The following TLE4 variants were observed in gnomAD, a reference collection of about 807,000 sequenced individuals.
TLE4 encodes the protein transducin-like enhancer protein 4.
TLE4 carries 8 observed loss-of-function variants against 92.8 expected under a neutral mutation model. The ratio of observed to expected loss-of-function variants is 0.09; its 90% CI spans 0.05 to 0.16. The LOEUF (loss-of-function observed/expected upper bound fraction) is 0.16. Among genes scored for constraint, TLE4 ranks in the 10% least tolerant of loss-of-function variants. The pLI, the probability that TLE4 is intolerant of heterozygous loss-of-function variation, is 1.00. For missense variants in TLE4, 675 were observed against 997.6 expected, an observed-to-expected ratio of 0.68 and a Z score of 4.36; for synonymous variants, 371 against 374.1, an observed-to-expected ratio of 0.99 and a Z score of 0.10.
chr9:79,618,753 G>A (rs2050247083), intron 5 of TLE4, among the ~76,000 whole-genome samples: 1 of 152,168 alleles, frequency 6.6e-6, no homozygotes, highest in African/African-American at 2.4e-5. Context: ...CAGCAATGAT[G>A]AGGAGCACAC....
chr9:79,681,745 G>A (rs73652231), intron 8 of TLE4, among the ~76,000 whole-genome samples: 186 of 151,776 alleles, frequency 1.2e-3, no homozygotes, highest in African/African-American at 4.4e-3. Flanking sequence ...GAGGCAGGGA[G>A]GGAAGGAGGG....
intron 8 of TLE4, among the ~76,000 whole-genome samples, chr9:79,655,043 G>A (rs2059581077): frequency 1.3e-5 from 2 of 152,310 alleles, no homozygotes; most frequent in South Asian, 2.1e-4. Context: ...TCAGGAGTCT[G>A]AGGCAGGAGA....
In TLE4 at chr9:79,677,759, T is replaced by C. The variant is rs538118968; in HGVS notation, c.609+23684T>C. ...TGTGGCATCTTCACAACTATCCTGT[T>C]TGTGAATTTTGTAGGCTTGTCATTG... On this transcript the variant is annotated intron_variant, in intron 8 of 19. Coordinates refer to ENST00000376552, the MANE Select transcript of TLE4 (RefSeq NM_007005.6). Among the ~76,000 whole-genome samples the C allele has an allele frequency of 5.3e-5, 8 of 152,214 alleles. No homozygotes were observed. The South Asian group carries it at 1.7e-3, about 32-fold the overall frequency.
At chr9:79,711,216 A>C (rs565745046) in intron 14 of TLE4, among the ~76,000 whole-genome samples, 16 of 152,182 alleles carry the variant, frequency 1.1e-4, no homozygotes, top group Non-Finnish European at 1.9e-4. Flanking sequence ...TGCTTGGTAA[A>C]TATTTGGCTG....
At chr9:79,668,623 T>G (rs1325154998) in intron 8 of TLE4, among the ~76,000 whole-genome samples, 1 of 152,022 alleles carries the variant, frequency 6.6e-6, no homozygotes, top group Admixed American at 6.6e-5. Context: ...GTTTCCAGAT[T>G]CCCCCTCCTC....
At chr9:79,598,603 ACT>A (rs1257212883) in intron 4 of TLE4, among the ~76,000 whole-genome samples, 2 of 151,962 alleles carry the variant, frequency 1.3e-5, no homozygotes, top group East Asian at 3.9e-4. Context: ...TAGATTATGG[ACT>A]CTGTAAGTCC....
At chr9:79,636,726 C>G (rs2055939252) in intron 6 of TLE4, among the ~76,000 whole-genome samples, 2 of 152,134 alleles carry the variant, frequency 1.3e-5, no homozygotes, top group South Asian at 4.1e-4. Flanking sequence ...ATTGCACTTA[C>G]CATTGATTTG....
chr9:79,575,201 T>G (rs2037348365), intron 3 of TLE4, among the ~76,000 whole-genome samples: 2 of 152,268 alleles, frequency 1.3e-5, no homozygotes, highest in East Asian at 3.9e-4. Flanking sequence ...CGAAAAAAAA[T>G]AAAAACAAAA....
At chr9:79,675,490 A>G (rs761023395) in intron 8 of TLE4, among the ~76,000 whole-genome samples, 1 of 152,242 alleles carries the variant, frequency 6.6e-6, no homozygotes, top group Non-Finnish European at 1.5e-5. Flanking sequence ...GCATTTTCTT[A>G]TATTAATTTG....
intron 1 of TLE4, 158 bp from the exon 2 acceptor site, chr9:79,573,531 T>C (rs2131804382): frequency 2.4e-6 from 2 of 824,460 alleles, no homozygotes; most frequent in East Asian, 6.3e-5. Context: ...GCCTGGGCTG[T>C]TGGGCGCGAG....
At chr9:79,581,518 C>T (rs1332191824) in intron 4 of TLE4, among the ~76,000 whole-genome samples, 2 of 152,204 alleles carry the variant, frequency 1.3e-5, no homozygotes, top group East Asian at 3.9e-4. Context: ...ATTGGAATTT[C>T]CTTTCAATAG....
intron 4 of TLE4, among the ~76,000 whole-genome samples, chr9:79,586,153 A>G (rs1029746573): frequency 2.7e-5 from 4 of 150,664 alleles, no homozygotes; most frequent in Admixed American, 2.0e-4. Context: ...TGGGTGGATC[A>G]TGAGGTCAGG....
intron 4 of TLE4, among the ~76,000 whole-genome samples, chr9:79,590,246 T>C (rs1290844935): frequency 6.6e-6 from 1 of 152,184 alleles, no homozygotes; most frequent in Non-Finnish European, 1.5e-5. Context: ...TGAACATTTT[T>C]TGGGTGAGCT....
At chr9:79,686,157 A>G (rs1168484366) in intron 8 of TLE4, among the ~76,000 whole-genome samples, 3 of 152,204 alleles carry the variant, frequency 2.0e-5, no homozygotes, top group Non-Finnish European at 2.9e-5. Context: ...ATCATTTTAT[A>G]TCAGGGACTT....
chr9:79,717,447 G>T (rs2074736859), intron 14 of TLE4, among the ~76,000 whole-genome samples: 1 of 152,086 alleles, frequency 6.6e-6, no homozygotes, highest in Non-Finnish European at 1.5e-5. Flanking sequence ...CCTCCAGCAA[G>T]TCTCACATAC....
intron 18 of TLE4, among the ~76,000 whole-genome samples, 157 bp from the exon 19 acceptor site, chr9:79,722,802 C>T (rs976283428): frequency 2.6e-5 from 4 of 152,086 alleles, no homozygotes; most frequent in East Asian, 1.9e-4. Flanking sequence ...ATTAGTGACT[C>T]GATTAAATCC....
intron 7 of TLE4, chr9:79,653,062 C>A: frequency 2.1e-6 from 1 of 483,462 alleles, no homozygotes; most frequent in South Asian, 1.8e-5. Flanking sequence ...TTCCCCAGGT[C>A]TAAATCAGTA....
At chr9:79,664,896 T>C (rs1448710602) in intron 8 of TLE4, among the ~76,000 whole-genome samples, 2 of 152,218 alleles carry the variant, frequency 1.3e-5, no homozygotes, top group Admixed American at 6.5e-5. Context: ...CCCTTTTTTT[T>C]TCTCTCTCCA....
Position 79,706,069 on chromosome 9 carries a change from G to A in TLE4, c.783+127G>A. The A allele has an allele frequency of 3.2e-6, 3 of 946,362 alleles. No homozygotes were observed. In the South Asian group the frequency reaches 4.0e-5, roughly 13 times the overall value. 58.6% of individuals were successfully genotyped at this position (946,362 alleles called of 1,614,324 possible). On this transcript the variant is annotated intron_variant, in intron 10 of 19. Coordinates refer to ENST00000376552, the MANE Select transcript of TLE4 (RefSeq NM_007005.6). ...GTTATTGTTGTTGTTTTTTGAGGCA[G>A]GGTCTTGTTCTCTTGCCCTGGCTAG...
Sources: gnomAD v4.1 joint callset for allele counts (sites outside exome capture counted in the v4.1 genomes callset) on GRCh38, gnomAD v4.1.1 for gene constraint, MANE v1.5 for transcripts, NCBI Gene and HGNC (gene_info 2026-07-23, HGNC 2026-07-21) for gene names.